SMCO2: variants seen among roughly 807,000 people sequenced by gnomAD.
The protein encoded by SMCO2 is single-pass membrane and coiled-coil domain-containing protein 2.
Under a neutral mutation model 29.5 loss-of-function variants are expected in SMCO2, and 25 were observed. The observed-to-expected ratio is 0.85, with a 90% confidence interval of 0.62 to 1.18. SMCO2 has a LOEUF of 1.18. Among genes scored for constraint, SMCO2 ranks in the 50% most tolerant of loss-of-function variants. The pLI is 0.00. For synonymous variants in SMCO2, 117 were observed against 123.3 expected (o/e 0.95, Z 0.34); for missense variants, 348 against 344.5 (o/e 1.01, Z -0.08).
At chr12:27,428,041 G>A in the SMCO2 span, among the ~76,000 whole-genome samples, 2 of 152,200 alleles carry the variant, frequency 1.3e-5, no homozygotes, top group South Asian at 2.1e-4. Context: ...TAGTTGAACC[G>A]GATTACCCTT....
At chr12:27,432,900 T>G in the SMCO2 span, among the ~76,000 whole-genome samples, 2 of 151,652 alleles carry the variant, frequency 1.3e-5, no homozygotes, top group Non-Finnish European at 1.5e-5. Flanking sequence ...TTAATCCTCA[T>G]TTTTTATATT....
intron 7 of SMCO2, among the ~76,000 whole-genome samples, chr12:27,500,070 A>G (rs1482445093): frequency 6.6e-6 from 1 of 150,764 alleles, no homozygotes; most frequent in African/African-American, 2.5e-5. Context: ...GATGTCTAAA[A>G]TGAATAAAAT....
chr12:27,490,311 T>C (rs1354597941), intron 5 of SMCO2, among the ~76,000 whole-genome samples: 1 of 152,080 alleles, frequency 6.6e-6, no homozygotes. Flanking sequence ...AAAGGCAAAA[T>C]TGTAGGAACA....
the SMCO2 span, among the ~76,000 whole-genome samples, chr12:27,457,657 T>C: frequency 6.6e-6 from 1 of 152,236 alleles, no homozygotes; most frequent in African/African-American, 2.4e-5. Flanking sequence ...CTCAAGTCTT[T>C]GCAGCCAAAA....
At chr12:27,462,209 G>C (rs144415968), upstream of SMCO2, among the ~76,000 whole-genome samples, 29 of 152,180 alleles carry the variant, frequency 1.9e-4, no homozygotes, top group Non-Finnish European at 3.5e-4. Flanking sequence ...TTCATTCGAC[G>C]TGCTAACAAT....
chr12:27,483,296 A>T (rs1353311332), intron 4 of SMCO2, among the ~76,000 whole-genome samples: 1 of 152,028 alleles, frequency 6.6e-6, no homozygotes, highest in African/African-American at 2.4e-5. Flanking sequence ...CTGCTTGCAG[A>T]GCTATCAGTT....
the SMCO2 span, among the ~76,000 whole-genome samples, chr12:27,450,308 A>C: frequency 9.5e-4 from 140 of 146,898 alleles, no homozygotes; most frequent in East Asian, 2.5e-3. Flanking sequence ...CCCTGCCCCC[A>C]CCCCCCACCA....
chr12:27,442,168 GCCAAAT>G, the SMCO2 span, among the ~76,000 whole-genome samples: 1 of 151,954 alleles, frequency 6.6e-6, no homozygotes, highest in African/African-American at 2.4e-5. Context: ...GCATGAACAA[GCCAAAT>G]CCAAAATTAG....
At chr12:27,473,439 C>G (rs1446221083) in intron 3 of SMCO2, among the ~76,000 whole-genome samples, 1 of 152,108 alleles carries the variant, frequency 6.6e-6, no homozygotes, top group Non-Finnish European at 1.5e-5. Flanking sequence ...ATTTAGGAAC[C>G]CATTCAAGTA....
chr12:27,435,799 T>C, the SMCO2 span, among the ~76,000 whole-genome samples: 4 of 152,188 alleles, frequency 2.6e-5, no homozygotes, highest in Non-Finnish European at 4.4e-5. Context: ...GTCACAGTTC[T>C]GTATAAATTC....
intron 4 of SMCO2, among the ~76,000 whole-genome samples, chr12:27,478,997 G>C (rs181562064): frequency 1.3e-5 from 2 of 152,274 alleles, no homozygotes; most frequent in African/African-American, 2.4e-5. Flanking sequence ...TGATTACCAG[G>C]CTCCTGGATA....
At chr12:27,449,677 T>G in the SMCO2 span, among the ~76,000 whole-genome samples, 2 of 152,204 alleles carry the variant, frequency 1.3e-5, no homozygotes, top group Non-Finnish European at 2.9e-5. Flanking sequence ...AGTTAAAATA[T>G]CCAATACAAA....
intron 4 of SMCO2, among the ~76,000 whole-genome samples, chr12:27,486,098 A>G (rs1214464628): frequency 1.3e-5 from 2 of 152,186 alleles, no homozygotes; most frequent in Non-Finnish European, 2.9e-5. Context: ...CTTGATCTTT[A>G]GAGATTGTTC....
intron 5 of SMCO2, among the ~76,000 whole-genome samples, chr12:27,489,758 T>C (rs1949719912): frequency 6.6e-6 from 1 of 152,210 alleles, no homozygotes; most frequent in African/African-American, 2.4e-5. Context: ...TTTTTCACTA[T>C]CTTTGGGCTT....
chr12:27,447,435 C>A, the SMCO2 span, among the ~76,000 whole-genome samples: 1 of 152,064 alleles, frequency 6.6e-6, no homozygotes, highest in East Asian at 1.9e-4. Flanking sequence ...CATGGACCAG[C>A]TGCAACAGCC....
At chr12:27,457,667 A>G in the SMCO2 span, among the ~76,000 whole-genome samples, 1 of 152,260 alleles carries the variant, frequency 6.6e-6, no homozygotes, top group Non-Finnish European at 1.5e-5. Flanking sequence ...TGCAGCCAAA[A>G]GCATGTCAAT....
intron 1 of SMCO2, among the ~76,000 whole-genome samples, chr12:27,469,009 C>T (rs10506020): frequency 0.065 from 9,923 of 152,062 alleles, 388 homozygotes; most frequent in East Asian, 0.12. Flanking sequence ...AATTGACAGA[C>T]GATGTTTTCT....
intron 3 of SMCO2, among the ~76,000 whole-genome samples, chr12:27,473,322 A>G (rs1179821941): frequency 6.6e-6 from 1 of 152,132 alleles, no homozygotes; most frequent in Non-Finnish European, 1.5e-5. Flanking sequence ...CCAGGCCTTC[A>G]GTGGCTTGTA....
chr12:27,474,502 G>A (rs1949567289), intron 3 of SMCO2, among the ~76,000 whole-genome samples: 1 of 152,094 alleles, frequency 6.6e-6, no homozygotes, highest in African/African-American at 2.4e-5. Flanking sequence ...TCTAATTTGA[G>A]TGGAGTTTTG....
Sources: allele counts gnomAD v4.1 joint callset (sites outside exome capture counted in the v4.1 genomes callset), GRCh38; gene constraint gnomAD v4.1.1; transcripts MANE v1.5; gene names NCBI Gene and HGNC (gene_info 2026-07-23, HGNC 2026-07-21).